The following RERE variants were observed in gnomAD, a reference collection of about 807,000 sequenced individuals.
The protein encoded by RERE is arginine-glutamic acid dipeptide repeats.
Under a neutral mutation model 146.1 loss-of-function variants are expected in RERE, and 40 were observed. The observed-to-expected ratio is 0.27, with a 90% CI of 0.21 to 0.36. RERE has a LOEUF of 0.36. RERE is among the 10% of genes least tolerant of loss of function. The pLI, the probability that RERE is intolerant of heterozygous loss-of-function variation, is 1.00. For missense variants in RERE, 1,933 were observed against 2,138.7 expected (o/e 0.90, Z 1.90); for synonymous variants, 1,003 against 866.0 (o/e 1.16, Z -2.78).
intron 1 of RERE, chr1:8,751,016 G>A (rs139017307): frequency 6.3e-6 from 4 of 631,892 alleles, no homozygotes; most frequent in African/African-American, 5.4e-5. Flanking sequence ...CTAAACTATT[G>A]GAAAATGCTT....
chr1:8,436,799 A>C (rs1195667188), intron 11 of RERE, among the ~76,000 whole-genome samples: 4 of 152,230 alleles, frequency 2.6e-5, no homozygotes, highest in Admixed American at 2.0e-4. Context: ...AATATTTTAC[A>C]TTCTTTTTCT....
chr1:8,398,177 C>T (rs149254829), intron 12 of RERE, among the ~76,000 whole-genome samples: 1,534 of 152,336 alleles, frequency 0.01, 9 homozygotes, highest in Non-Finnish European at 0.016. Flanking sequence ...GAAGGGCAGG[C>T]ATTCTGGGCA....
chr1:8,569,335 G>C (rs546843562), intron 4 of RERE, among the ~76,000 whole-genome samples: 1 of 151,432 alleles, frequency 6.6e-6, no homozygotes, highest in Non-Finnish European at 1.5e-5. Flanking sequence ...GTTTGGTGAC[G>C]GCGGTGATGG....
At chr1:8,494,504 A>C (rs1232329245) in intron 10 of RERE, among the ~76,000 whole-genome samples, 1 of 152,048 alleles carries the variant, frequency 6.6e-6, no homozygotes, top group African/African-American at 2.4e-5. Flanking sequence ...AGGTGGGAGG[A>C]TCACAAGGTC....
chr1:8,486,755 T>TAAAAAAAAAAAAAAAAAA (rs33956517), intron 10 of RERE, among the ~76,000 whole-genome samples: 2 of 122,342 alleles, frequency 1.6e-5, no homozygotes, highest in African/African-American at 3.1e-5. Flanking sequence ...GAGTCCATCT[T>TAAAAAAAAAAAAAAAAAA]AAAAAAAAAA....
intron 1 of RERE, among the ~76,000 whole-genome samples, chr1:8,769,211 T>C (rs868239637): frequency 6.6e-6 from 1 of 152,242 alleles, no homozygotes; most frequent in Middle Eastern, 3.4e-3. Flanking sequence ...TTTTGAGGGG[T>C]AAACTGCTGC....
intron 8 of RERE, among the ~76,000 whole-genome samples, chr1:8,500,243 GT>G: frequency 6.6e-6 from 1 of 152,204 alleles, no homozygotes; most frequent in Non-Finnish European, 1.5e-5. Flanking sequence ...GGGTACAGCA[GT>G]TCTCTAATGT....
chr1:8,443,655 C>T (rs1318908143), intron 11 of RERE, among the ~76,000 whole-genome samples: 2 of 152,020 alleles, frequency 1.3e-5, no homozygotes, highest in Non-Finnish European at 2.9e-5. Flanking sequence ...GATGAGAAAC[C>T]TAAGAGGAAA....
intron 11 of RERE, among the ~76,000 whole-genome samples, chr1:8,462,889 G>A (rs1644544974): frequency 6.6e-6 from 1 of 151,938 alleles, no homozygotes; most frequent in African/African-American, 2.4e-5. Flanking sequence ...AAATAGTAAT[G>A]ATAATAATAA....
chr1:8,602,291 T>C (rs1211961419), intron 4 of RERE, among the ~76,000 whole-genome samples: 2 of 151,652 alleles, frequency 1.3e-5, no homozygotes, highest in Non-Finnish European at 2.9e-5. Context: ...CTCGGGAGGC[T>C]GAGGCAGGAG....
At chr1:8,512,988 A>G (rs1210986839) in intron 7 of RERE, 1 of 152,048 alleles carries the variant, frequency 6.6e-6, no homozygotes, top group Non-Finnish European at 1.5e-5. Context: ...TGGGCTGGGT[A>G]AATGTTTCTT....
At chr1:8,557,058 TAAA>T (rs1557685535) in intron 5 of RERE, among the ~76,000 whole-genome samples, 2 of 150,380 alleles carry the variant, frequency 1.3e-5, no homozygotes, top group South Asian at 4.2e-4. Flanking sequence ...AACAGAAAGA[TAAA>T]AAAAGAACAT....
chr1:8,503,051 C>G (rs1436943300), intron 8 of RERE, among the ~76,000 whole-genome samples: 3 of 149,546 alleles, frequency 2.0e-5, no homozygotes, highest in East Asian at 2.0e-4. Flanking sequence ...CCTGCCAAAT[C>G]CCCCTCTGCG....
chr1:8,809,818 A>G (rs543226536), intron 1 of RERE, among the ~76,000 whole-genome samples: 1 of 152,370 alleles, frequency 6.6e-6, no homozygotes, highest in South Asian at 2.1e-4. Flanking sequence ...GAACATAATT[A>G]TCTCTAAAAT....
chr1:8,573,962 C>T (rs1020270625), intron 4 of RERE, among the ~76,000 whole-genome samples: 1 of 151,850 alleles, frequency 6.6e-6, no homozygotes. Context: ...AATGCCACCA[C>T]GCCCAGCTAA....
At chr1:8,359,634 T>C (rs1641468965) in intron 19 of RERE, 130 bp downstream of exon 19, 1 of 1,033,198 alleles carries the variant, frequency 9.7e-7, no homozygotes, top group Non-Finnish European at 1.4e-6. Flanking sequence ...AGGGTGTAAA[T>C]AGCACCCAAC....
intron 10 of RERE, among the ~76,000 whole-genome samples, chr1:8,474,918 G>C (rs1216424865): frequency 6.6e-6 from 1 of 152,164 alleles, no homozygotes; most frequent in Non-Finnish European, 1.5e-5. Flanking sequence ...CTTTTGCTAT[G>C]CAAAATATCT....
chr1:8,682,006 A>C (rs529099298), intron 1 of RERE, among the ~76,000 whole-genome samples: 1 of 152,208 alleles, frequency 6.6e-6, no homozygotes, highest in Non-Finnish European at 1.5e-5. Context: ...TCATTTCAAC[A>C]TAACCATGCA....
chr1:8,381,320 C>T lies in RERE; in HGVS notation c.1285-15346G>A, dbSNP rs977367850. Among the ~76,000 whole-genome samples the T allele has an allele frequency of 2.6e-5, 4 of 152,088 alleles. No individual in the cohort carries two copies. In the East Asian group the frequency reaches 5.8e-4, roughly 22 times the overall value. Reference sequence around the variant, plus strand: ...TGGCCACTCTAAACCTTGTAACCTGCGCAATCATTAGCAGAGTGCCTGACA... The same window carrying T: ...TGGCCACTCTAAACCTTGTAACCTGTGCAATCATTAGCAGAGTGCCTGACA... On this transcript the variant is annotated intron_variant, in intron 12 of 22. Coordinates refer to ENST00000400908, the MANE Select transcript of RERE (RefSeq NM_001042681.2).
Sources: gnomAD v4.1 joint callset for allele counts (sites outside exome capture counted in the v4.1 genomes callset) on GRCh38, gnomAD v4.1.1 for gene constraint, MANE v1.5 for transcripts, NCBI Gene and HGNC (gene_info 2026-07-23, HGNC 2026-07-21) for gene names.